Variants in PCNX1 observed in about 807,000 individuals in gnomAD.
PCNX1 encodes the protein pecanex-like protein 1.
Under a neutral mutation model 242.2 loss-of-function variants are expected in PCNX1, and 78 were observed. The ratio of observed to expected loss-of-function variants is 0.32; its 90% CI spans 0.27 to 0.39. The LOEUF (loss-of-function observed/expected upper bound fraction) is 0.39. Among genes scored for constraint, PCNX1 ranks in the 10% least tolerant of loss-of-function variants. The pLI is 1.00. For synonymous variants in PCNX1, 1,024 were observed against 1,032.9 expected, an observed-to-expected ratio of 0.99 and a Z score of 0.17; for missense variants, 2,581 against 2,856.5, an observed-to-expected ratio of 0.90 and a Z score of 2.20.
At chr14:71,061,794 G>A (rs2061332244) in intron 26 of PCNX1, among the ~76,000 whole-genome samples, 1 of 152,176 alleles carries the variant, frequency 6.6e-6, no homozygotes, top group African/African-American at 2.4e-5. Flanking sequence ...TAACCATGGT[G>A]TGGACAAGGA....
At chr14:70,976,043 CGTTT>C (rs1173740910) in intron 5 of PCNX1, among the ~76,000 whole-genome samples, 5 of 151,830 alleles carry the variant, frequency 3.3e-5, no homozygotes, top group African/African-American at 4.8e-5. Flanking sequence ...AGCCTATTTT[CGTTT>C]GTTTGTTTCT....
At chr14:71,014,694 G>A (rs2059913686) in intron 11 of PCNX1, among the ~76,000 whole-genome samples, 1 of 151,030 alleles carries the variant, frequency 6.6e-6, no homozygotes, top group South Asian at 2.1e-4. Flanking sequence ...AAACAGAAGA[G>A]TCCACTGTCC....
rs2062738570 is a variant in PCNX1, at chr14:71,110,721, G to C, written c.*786G>C. The C allele has an allele frequency of 6.6e-6, 1 of 152,496 alleles. No homozygotes were observed. The highest frequency in any genetic ancestry group is 1.5e-5 in the Non-Finnish European group (1 of 68,080). The allele number at this position is 152,496 out of a possible 1,614,324, so 9.4% of individuals were successfully genotyped here. ...AATATAGAATCTCAAGATATACGTA[G>C]CTTCATCATTGACATTTCCCAGAGC... On this transcript the variant is annotated 3_prime_UTR_variant, in exon 36 of 36. Coordinates refer to ENST00000304743, the MANE Select transcript of PCNX1 (RefSeq NM_014982.3).
chr14:71,100,231 T>C (rs769608899), intron 30 of PCNX1, among the ~76,000 whole-genome samples: 60 of 152,156 alleles, frequency 3.9e-4, no homozygotes, highest in Non-Finnish European at 6.6e-4. Context: ...TGGTAGCAGG[T>C]ATTATTTTTT....
chr14:71,065,267 C>T (rs1421111019), intron 26 of PCNX1, among the ~76,000 whole-genome samples: 1 of 152,196 alleles, frequency 6.6e-6, no homozygotes, highest in Non-Finnish European at 1.5e-5. Context: ...TCTTCACATC[C>T]TCTCCAGCAT....
intron 23 of PCNX1, among the ~76,000 whole-genome samples, chr14:71,051,183 A>C (rs1349730621): frequency 6.7e-6 from 1 of 150,064 alleles, no homozygotes; most frequent in Admixed American, 6.7e-5. Flanking sequence ...AAAAAAAAAA[A>C]AAAAAAAAAA....
At chr14:71,082,640 G>T (rs1595463106) in intron 28 of PCNX1, among the ~76,000 whole-genome samples, 1 of 152,180 alleles carries the variant, frequency 6.6e-6, no homozygotes, top group Admixed American at 6.5e-5. Flanking sequence ...TTGGTTTAAA[G>T]TCTGTTTTAT....
chr14:71,085,783 C>A, intron 28 of PCNX1: 1 of 364,960 alleles, frequency 2.7e-6, no homozygotes. Flanking sequence ...GCCCAGACCC[C>A]AGCTTCAGCC....
chr14:71,020,140 C>G (rs953510745), intron 12 of PCNX1, among the ~76,000 whole-genome samples: 1 of 152,162 alleles, frequency 6.6e-6, no homozygotes, highest in African/African-American at 2.4e-5. Context: ...GCATAGTATT[C>G]CATGTTGTAT....
In PCNX1 at chr14:70,907,658, C is replaced by A; in HGVS notation, c.-193C>A. 4.0e-6 allele frequency: 2 copies of A among 502,538 alleles called. No homozygotes were observed. The highest frequency in any genetic ancestry group is 1.8e-4 in the South Asian group (2 of 10,950). 31.1% of individuals were successfully genotyped at this position (502,538 alleles called of 1,614,324 possible). Reference sequence around the variant, plus strand: ...CGCTCGCCGCCTCCTCCTCTCGGGTCTCCTCCTCCTCGTTTGCTGCCTCCT... The same window carrying A: ...CGCTCGCCGCCTCCTCCTCTCGGGTATCCTCCTCCTCGTTTGCTGCCTCCT... On this transcript the variant is annotated 5_prime_UTR_variant, in exon 1 of 36. Coordinates refer to ENST00000304743, the MANE Select transcript of PCNX1 (RefSeq NM_014982.3).
intron 1 of PCNX1, among the ~76,000 whole-genome samples, chr14:70,931,440 A>G (rs2056795447): frequency 6.6e-6 from 1 of 152,210 alleles, no homozygotes; most frequent in South Asian, 2.1e-4. Context: ...TATTGTTACA[A>G]ATGTTTAGTT....
chr14:71,096,245 G>A (rs2062276969), intron 30 of PCNX1, among the ~76,000 whole-genome samples: 1 of 152,144 alleles, frequency 6.6e-6, no homozygotes, highest in African/African-American at 2.4e-5. Context: ...TTGAACTTGG[G>A]AGGCAGAGGT....
intron 6 of PCNX1, among the ~76,000 whole-genome samples, chr14:70,980,924 AT>A (rs556255310): frequency 6.6e-6 from 1 of 152,114 alleles, no homozygotes; most frequent in Non-Finnish European, 1.5e-5. Flanking sequence ...TTCTCCAACG[AT>A]TTCTTTTCAT....
In PCNX1 at chr14:71,047,888, A is replaced by G; in HGVS notation, c.4242A>G (p.Thr1414=). ...GCAGCCCTACATATCAGTATGTTACAGTCATCTTTACTGTGCTGTTTTTCA... is the reference window on the plus strand; with the variant it reads ...GCAGCCCTACATATCAGTATGTTACGGTCATCTTTACTGTGCTGTTTTTCA... ...SFSSPTYQYV[T]VIFTVLFFKF... The change falls in exon 22 of 36, where the codon ACA becomes ACG. Residue 1414 remains threonine (T), a synonymous_variant. Coordinates refer to ENST00000304743, the MANE Select transcript of PCNX1 (RefSeq NM_014982.3). 1 of 1,613,370 alleles carries G rather than the reference A, an allele frequency of 6.2e-7. No individual in the cohort carries two copies. The highest frequency in any genetic ancestry group is 8.5e-7 in the Non-Finnish European group (1 of 1,179,468).
intron 11 of PCNX1, 52 bp downstream of exon 11, chr14:71,013,254 G>T (rs2059871828): frequency 1.5e-6 from 2 of 1,371,510 alleles, no homozygotes; most frequent in South Asian, 2.3e-5. Context: ...TTTTTAAGAT[G>T]AAGTGTCTTT....
At chr14:71,006,236 C>T (rs2059663799) in intron 8 of PCNX1, among the ~76,000 whole-genome samples, 1 of 151,746 alleles carries the variant, frequency 6.6e-6, no homozygotes, top group Non-Finnish European at 1.5e-5. Context: ...AGTCCTCCCA[C>T]TTTGCCTCCC....
chr14:70,946,825 A>G lies in PCNX1; in HGVS notation c.154-90A>G, dbSNP rs1246601194. 2.3e-5 allele frequency: 22 copies of G among 946,310 alleles called. 1 individual carries two copies. The highest frequency in any genetic ancestry group is 2.9e-5 in the Non-Finnish European group (18 of 630,864). The allele number at this position is 946,310 out of a possible 1,614,324, so 58.6% of individuals were successfully genotyped here. On this transcript the variant is annotated intron_variant, in intron 1 of 35. Coordinates refer to ENST00000304743, the MANE Select transcript of PCNX1 (RefSeq NM_014982.3). ...AACATAGTTGTTGCTTTGTGTGTAA[A>G]TGTGTTTATTATTTTAGATACAGAT... is the stretch of plus-strand genomic sequence containing the variant.
intron 1 of PCNX1, among the ~76,000 whole-genome samples, chr14:70,924,746 G>A (rs1302967761): frequency 6.6e-6 from 1 of 151,722 alleles, no homozygotes. Flanking sequence ...ACCCCACCAC[G>A]CCTGGGTAAT....
chr14:70,923,975 A>AATCCCAGCACTTTGG (rs2056480866), intron 1 of PCNX1, among the ~76,000 whole-genome samples: 1 of 152,186 alleles, frequency 6.6e-6, no homozygotes, highest in South Asian at 2.1e-4. Flanking sequence ...TCACACCTGT[A>AATCCCAGCACTTTGG]ATCCCAGCAC....
Sources: gnomAD v4.1 joint callset for allele counts (sites outside exome capture counted in the v4.1 genomes callset) on GRCh38, gnomAD v4.1.1 for gene constraint, MANE v1.5 for transcripts, NCBI Gene and HGNC (gene_info 2026-07-23, HGNC 2026-07-21) for gene names.